The following ROR1 variants were observed in gnomAD, a reference collection of about 807,000 sequenced individuals.
ROR1 encodes the protein ROR family WNT receptor 1.
ROR1 carries 19 observed loss-of-function variants against 78.8 expected under a neutral mutation model. The ratio of observed to expected loss-of-function variants is 0.24; its 90% CI spans 0.17 to 0.35. The LOEUF (loss-of-function observed/expected upper bound fraction) is 0.35. Among genes scored for constraint, ROR1 ranks in the 10% least tolerant of loss-of-function variants. The pLI, the probability that ROR1 is intolerant of heterozygous loss-of-function variation, is 1.00. For missense variants in ROR1, 917 were observed against 1,177.8 expected, an observed-to-expected ratio of 0.78 and a Z score of 3.24; for synonymous variants, 386 against 433.6, an observed-to-expected ratio of 0.89 and a Z score of 1.36.
chr1:64,143,366 A>G (rs200387758), intron 7 of ROR1: 9 of 906,924 alleles, frequency 9.9e-6, no homozygotes, highest in South Asian at 5.1e-5. Context: ...ACCAAAAAAA[A>G]GAAAAAAAAA....
chr1:64,059,259 C>T (rs1005800209), intron 4 of ROR1, among the ~76,000 whole-genome samples: 7 of 151,912 alleles, frequency 4.6e-5, no homozygotes, highest in Non-Finnish European at 7.4e-5. Context: ...AACTAACTTT[C>T]GTTGAAAACT....
Position 63,933,925 on chromosome 1 carries a change from G to A in ROR1, c.92-75380G>A, listed in dbSNP as rs946152890. Among the ~76,000 whole-genome samples the A allele has an allele frequency of 2.6e-5, 4 of 152,186 alleles. No individual in the cohort carries two copies. In the East Asian group the frequency reaches 5.8e-4, roughly 22 times the overall value. On this transcript the variant is annotated intron_variant, in intron 1 of 8. Transcript: ENST00000371079. The stretch of plus-strand genomic sequence containing the variant: ...GGGGTCAGTACAGCTTCTGCACAAT[G>A]AGCCACAGTGAATAAGGAAGTACAG...
At chr1:64,050,461 C>A (rs562791590) in intron 3 of ROR1, among the ~76,000 whole-genome samples, 40 of 151,882 alleles carry the variant, frequency 2.6e-4, no homozygotes, top group African/African-American at 9.7e-4. Flanking sequence ...CTTGTCTTAG[C>A]ATTTTCAGGC....
chr1:63,937,450 C>A (rs1460503609), intron 1 of ROR1, among the ~76,000 whole-genome samples: 1 of 152,142 alleles, frequency 6.6e-6, no homozygotes, highest in Non-Finnish European at 1.5e-5. Flanking sequence ...ATCTCTATTG[C>A]CCACTTTAGA....
At chr1:64,032,812 C>T (rs898318996) in intron 2 of ROR1, among the ~76,000 whole-genome samples, 1 of 152,130 alleles carries the variant, frequency 6.6e-6, no homozygotes, top group African/African-American at 2.4e-5. Context: ...TTTTTGTACT[C>T]AACTTTTAAA....
intron 4 of ROR1, among the ~76,000 whole-genome samples, chr1:64,095,553 C>A (rs969941754): frequency 6.6e-6 from 1 of 152,064 alleles, no homozygotes; most frequent in African/African-American, 2.4e-5. Flanking sequence ...GGGGAGGTTC[C>A]TGGGTGCCAT....
intron 2 of ROR1, among the ~76,000 whole-genome samples, chr1:64,036,061 T>C (rs1322704871): frequency 6.6e-6 from 1 of 152,126 alleles, no homozygotes; most frequent in East Asian, 1.9e-4. Context: ...CCCTAGAAGG[T>C]TTGAGTTGGG....
intron 4 of ROR1, among the ~76,000 whole-genome samples, chr1:64,088,285 G>A (rs976380629): frequency 6.6e-6 from 1 of 152,092 alleles, no homozygotes; most frequent in African/African-American, 2.4e-5. Context: ...GTCCAGAATA[G>A]CTCTTCTTAC....
At chr1:63,878,597 G>A (rs1216074249) in intron 1 of ROR1, among the ~76,000 whole-genome samples, 1 of 152,044 alleles carries the variant, frequency 6.6e-6, no homozygotes, top group East Asian at 1.9e-4. Context: ...TCCTTGCCAT[G>A]GCTTGGCTTA....
intron 4 of ROR1, among the ~76,000 whole-genome samples, chr1:64,082,807 T>C (rs1647114879): frequency 6.6e-6 from 1 of 152,240 alleles, no homozygotes. Context: ...CCCACTCTTC[T>C]TTCTCAGATA....
intron 1 of ROR1, among the ~76,000 whole-genome samples, chr1:63,956,924 T>C (rs1170182480): frequency 6.6e-6 from 1 of 152,210 alleles, no homozygotes; most frequent in Non-Finnish European, 1.5e-5. Flanking sequence ...ATGTAGCATC[T>C]ATTTTATTAA....
chr1:64,077,234 G>A (rs905830058), intron 4 of ROR1, among the ~76,000 whole-genome samples: 2 of 152,196 alleles, frequency 1.3e-5, no homozygotes, highest in African/African-American at 4.8e-5. Flanking sequence ...GGTTTTTAAA[G>A]GTTCTTTGAT....
intron 1 of ROR1, among the ~76,000 whole-genome samples, chr1:63,957,433 G>T (rs1287798494): frequency 6.6e-6 from 1 of 152,166 alleles, no homozygotes; most frequent in Non-Finnish European, 1.5e-5. Context: ...GCGAATCCAT[G>T]ATGCCAACAA....
At chr1:63,944,566 G>A (rs1472967764) in intron 1 of ROR1, among the ~76,000 whole-genome samples, 3 of 152,072 alleles carry the variant, frequency 2.0e-5, no homozygotes, top group South Asian at 2.1e-4. Flanking sequence ...GGTCTATTTC[G>A]TTATTCCAGT....
chr1:64,133,927 GA>G (rs760564908), intron 4 of ROR1, among the ~76,000 whole-genome samples: 1 of 152,154 alleles, frequency 6.6e-6, no homozygotes, highest in Non-Finnish European at 1.5e-5. Context: ...AGCCAGTGGG[GA>G]AAAATGGAAA....
intron 7 of ROR1, among the ~76,000 whole-genome samples, chr1:64,156,254 AATGAAAAGGC>A (rs1649766883): frequency 6.6e-6 from 1 of 152,240 alleles, no homozygotes; most frequent in African/African-American, 2.4e-5. Context: ...TCACGTAGAT[AATGAAAAGGC>A]ATTATTCAGA....
intron 1 of ROR1, among the ~76,000 whole-genome samples, chr1:63,892,777 G>A (rs188859913): frequency 3.0e-4 from 46 of 152,276 alleles, no homozygotes; most frequent in African/African-American, 8.7e-4. Flanking sequence ...TCTGCAGAGT[G>A]GAGGGAGTAG....
intron 1 of ROR1, among the ~76,000 whole-genome samples, chr1:63,864,679 A>G (rs999018793): frequency 2.0e-5 from 3 of 152,122 alleles, no homozygotes; most frequent in African/African-American, 4.8e-5. Context: ...GTGAGTGGCT[A>G]TAGGATCTTG....
chr1:63,823,445 CTTTTTTTTTT>C (rs11374055), intron 1 of ROR1, among the ~76,000 whole-genome samples: 1 of 106,172 alleles, frequency 9.4e-6, no homozygotes. Context: ...ACAGACATTA[CTTTTTTTTTT>C]TTTTTTTTTT....
Sources: gnomAD v4.1 joint callset for allele counts (sites outside exome capture counted in the v4.1 genomes callset) on GRCh38, gnomAD v4.1.1 for gene constraint, MANE v1.5 for transcripts, NCBI Gene and HGNC (gene_info 2026-07-23, HGNC 2026-07-21) for gene names.